The following DST variants were observed in gnomAD, a reference collection of about 807,000 sequenced individuals.
DST encodes the protein dystonin.
DST carries 253 observed loss-of-function variants against 875.2 expected under a neutral mutation model. The observed-to-expected ratio is 0.29, with a 90% CI of 0.26 to 0.32. The LOEUF (loss-of-function observed/expected upper bound fraction) is 0.32, where lower values mean the gene tolerates loss of function less well. DST is among the 10% of genes least tolerant of loss of function. DST has a pLI of 1.00. For synonymous variants in DST, 3,124 were observed against 3,197.1 expected (o/e 0.98, Z 0.77); for missense variants, 8,287 against 9,111.6 (o/e 0.91, Z 3.68).
chr6:56,492,105 G>GCACCATGC, intron 85 of DST, 122 bp downstream of exon 85: 3 of 901,824 alleles, frequency 3.3e-6, no homozygotes, highest in Non-Finnish European at 5.0e-6. Flanking sequence ...AACCACCATG[G>GCACCATGC]CACCATGCCA....
chr6:56,850,169 C>T (rs2127575125), intron 4 of DST, among the ~76,000 whole-genome samples: 1 of 152,322 alleles, frequency 6.6e-6, no homozygotes, highest in Non-Finnish European at 1.5e-5. Context: ...CTTCAAAGGC[C>T]TGGGTGAGAC....
chr6:56,943,413 A>ATTTTCT (rs1292195183), intron 2 of DST, among the ~76,000 whole-genome samples: 1 of 146,724 alleles, frequency 6.8e-6, no homozygotes, highest in Admixed American at 6.8e-5. Context: ...TTTTCAACTC[A>ATTTTCT]TTTTCTTTTT....
chr6:56,604,105 A>G lies in DST; in HGVS notation c.10523T>C (p.Val3508Ala). Residue 3508 changes from valine to alanine, a missense_variant, in exon 40 of 104, where the codon GTT becomes GCT. By Grantham distance (64) the Val-to-Ala change is moderately conservative. Transcript: ENST00000680361. ...ACATGCTTTTTGATTAAAGTCTCCA[A>G]CATGTTCTATTTTCTCTGAATATCC... is the stretch of plus-strand genomic sequence containing the variant. ...ADGYSEKIEH[V>A]GDFNQKACST... The G allele has an allele frequency of 6.3e-7, 1 of 1,577,450 alleles. No individual in the cohort carries two copies. Among genetic ancestry groups the G allele is most frequent in the Non-Finnish European group, 8.6e-7 (1 of 1,159,252 alleles).
At chr6:56,936,348 A>G (rs769695834) in intron 2 of DST, among the ~76,000 whole-genome samples, 6 of 152,224 alleles carry the variant, frequency 3.9e-5, no homozygotes, top group Admixed American at 2.6e-4. Context: ...TGAAGTAAAA[A>G]GGCCAAAATT....
Position 56,520,725 on chromosome 6 carries a change from T to C in DST, c.18130-3105A>G, listed in dbSNP as rs536304649. Among the ~76,000 whole-genome samples, 9 of 151,656 alleles carry C rather than the reference T, an allele frequency of 5.9e-5. No homozygotes were observed. In the East Asian group the frequency reaches 1.5e-3, roughly 26 times the overall value. On this transcript the variant is annotated intron_variant, in intron 69 of 103. Transcript: ENST00000680361. The stretch of plus-strand genomic sequence containing the variant: ...ATAAAAATTAAAAATTAAAAGAAAA[T>C]ATATTAAATAAAAAAAATTTTAAAA...
intron 4 of DST, among the ~76,000 whole-genome samples, chr6:56,816,517 T>G (rs1238767270): frequency 2.0e-5 from 3 of 152,184 alleles, no homozygotes; most frequent in African/African-American, 7.2e-5. Context: ...CTTATCTTTG[T>G]CCCTAATGTA....
chr6:56,517,186 A>C lies in DST; in HGVS notation c.18357+12T>G. ...CAAGAGTCCCACTACCAGTCCACAG[A>C]CAAGATTATACCTTCATTGATTGCT... On this transcript the variant is annotated intron_variant, in intron 71 of 103. Coordinates refer to ENST00000680361, the MANE Select transcript of DST (RefSeq NM_001374736.1). 3.7e-6 allele frequency: 6 copies of C among 1,600,236 alleles called. No individual in the cohort carries two copies. In the South Asian group the frequency reaches 6.6e-5, roughly 18 times the overall value.
chr6:56,841,629 AT>A (rs1228295393), intron 4 of DST, among the ~76,000 whole-genome samples: 1 of 152,144 alleles, frequency 6.6e-6, no homozygotes, highest in African/African-American at 2.4e-5. Context: ...TTCAGCTATA[AT>A]TTTTTTCAAA....
intron 23 of DST, 73 bp from the exon 24 acceptor site, chr6:56,635,787 A>G (rs1171964365): frequency 4.6e-6 from 7 of 1,521,012 alleles, no homozygotes; most frequent in Non-Finnish European, 6.3e-6. Context: ...ACACTCCAAT[A>G]CCAAGGTCCT....
At chr6:56,681,198 C>A (rs78396381) in intron 9 of DST, among the ~76,000 whole-genome samples, 1 of 152,230 alleles carries the variant, frequency 6.6e-6, no homozygotes, top group East Asian at 1.9e-4. Context: ...ATGGCCCCAC[C>A]ATTTACCCAG....
In DST at chr6:56,603,371, A is replaced by T. The variant is rs766056397; in HGVS notation, c.10991T>A (p.Met3664Lys). 2.5e-6 allele frequency: 4 copies of T among 1,610,994 alleles called. No homozygotes were observed. The highest frequency in any genetic ancestry group is 3.4e-6 in the Non-Finnish European group (4 of 1,179,114). Reference sequence around the variant, plus strand: ...CTTTAAAAACTCTTCTGCCAACTTCATATCTTTTCTTAAAATAACAGCAAT... The same window carrying T: ...CTTTAAAAACTCTTCTGCCAACTTCTTATCTTTTCTTAAAATAACAGCAAT... ...APIAVILRKD[M>K]KLAEEFLKSL... The change falls in exon 42 of 104, where the codon ATG becomes AAG. Residue 3664 changes from methionine to lysine, a missense_variant. Physicochemically the swap from Met to Lys is moderately conservative, Grantham distance 95. Transcript: ENST00000680361.
chr6:56,624,779 T>C (rs749715412), intron 35 of DST, 151 bp from the exon 36 acceptor site: 4 of 670,314 alleles, frequency 6.0e-6, no homozygotes, highest in Non-Finnish European at 1.1e-5. Context: ...AGCTTATTAT[T>C]ACTATTATGC....
chr6:56,904,184 T>C (rs1437492811), intron 2 of DST, among the ~76,000 whole-genome samples: 1 of 152,228 alleles, frequency 6.6e-6, no homozygotes, highest in East Asian at 1.9e-4. Flanking sequence ...CAATAGTGTA[T>C]TATTCATACT....
At chr6:56,706,211 G>A (rs2099334594) in intron 5 of DST, among the ~76,000 whole-genome samples, 1 of 152,080 alleles carries the variant, frequency 6.6e-6, no homozygotes. Flanking sequence ...CTACTTGGGA[G>A]GCTGAGACAG....
At chr6:56,590,366 T>C (rs16888027) in intron 49 of DST, among the ~76,000 whole-genome samples, 9,145 of 152,272 alleles carry the variant, frequency 0.06, 860 homozygotes, top group African/African-American at 0.2. Flanking sequence ...TGTTTACTAA[T>C]ATAGATCTAA....
At chr6:56,901,544 A>G (rs569035342) in intron 2 of DST, among the ~76,000 whole-genome samples, 3 of 152,290 alleles carry the variant, frequency 2.0e-5, no homozygotes, top group Admixed American at 2.0e-4. Flanking sequence ...GCAGTGAGCC[A>G]AGATCATGCC....
At position 56,851,860 on chromosome 6, in the gene DST, G is replaced by A. The variant is rs1765448311; in HGVS notation, c.418-256C>T. 2.6e-6 allele frequency: 4 copies of A among 1,551,384 alleles called. No homozygotes were observed. In the South Asian group the frequency reaches 3.6e-5, roughly 14 times the overall value. ...GTTTCAATACATGAAGATTTGCACG[G>A]AAGAAGTGTGTGGCCTGTGGTCCGG... is the stretch of plus-strand genomic sequence containing the variant. On this transcript the variant is annotated intron_variant, in intron 3 of 103. Transcript: ENST00000680361.
intron 4 of DST, among the ~76,000 whole-genome samples, chr6:56,793,570 TGAA>T (rs1353235203): frequency 2.6e-5 from 4 of 152,214 alleles, no homozygotes; most frequent in Non-Finnish European, 5.9e-5. Context: ...ACTATGCTTT[TGAA>T]AAGAAAAACA....
Position 56,617,386 on chromosome 6 carries a change from T to C in DST, c.4930-2902A>G, listed in dbSNP as rs368341445. ...TTTCTTGTTTTAATGTTGTGACTTCTGTATGCATATCATACTGCTTGTTCT... is the reference window on the plus strand; with the variant it reads ...TTTCTTGTTTTAATGTTGTGACTTCCGTATGCATATCATACTGCTTGTTCT... On this transcript the variant is annotated intron_variant, in intron 36 of 103. Transcript: ENST00000680361. 8 of 1,613,620 alleles carry C rather than the reference T, an allele frequency of 5.0e-6. No individual in the cohort carries two copies. The highest frequency in any genetic ancestry group is 1.7e-5 in the Admixed American group (1 of 59,986).
Sources: gnomAD v4.1 joint callset for allele counts (sites outside exome capture counted in the v4.1 genomes callset) on GRCh38, gnomAD v4.1.1 for gene constraint, MANE v1.5 for transcripts, NCBI Gene and HGNC (gene_info 2026-07-23, HGNC 2026-07-21) for gene names.